The following SPIDR variants were observed in gnomAD, a reference collection of about 807,000 sequenced individuals.
The protein encoded by SPIDR is scaffold protein involved in DNA repair, also known as DNA repair-scaffolding protein.
A neutral mutation model predicts 104.6 loss-of-function variants in SPIDR; 93 were observed. The ratio of observed to expected loss-of-function variants is 0.89; its 90% CI spans 0.75 to 1.06. SPIDR has a LOEUF of 1.06. Ranked by LOEUF, SPIDR falls within the 50% of genes least tolerant of loss-of-function variation. SPIDR has a pLI of 0.00. For synonymous variants in SPIDR, 431 were observed against 416.9 expected (o/e 1.03, Z -0.41); for missense variants, 1,154 against 1,111.2 (o/e 1.04, Z -0.55).
intron 7 of SPIDR, among the ~76,000 whole-genome samples, chr8:47,429,579 G>C (rs1266289868): frequency 6.6e-6 from 1 of 152,158 alleles, no homozygotes. Flanking sequence ...GGGCATCCCT[G>C]AGCCATGCCC....
chr8:47,346,862 T>C (rs926375894), intron 5 of SPIDR, among the ~76,000 whole-genome samples: 4 of 152,112 alleles, frequency 2.6e-5, no homozygotes, highest in African/African-American at 9.7e-5. Context: ...TTCTTCTTAG[T>C]CTCTCTAGTG....
intron 5 of SPIDR, among the ~76,000 whole-genome samples, chr8:47,323,077 G>C (rs1445488311): frequency 6.7e-6 from 1 of 149,890 alleles, no homozygotes; most frequent in Non-Finnish European, 1.5e-5. Flanking sequence ...ACCCGAAAAC[G>C]TAAAGTATAA....
intron 5 of SPIDR, among the ~76,000 whole-genome samples, 182 bp from the exon 6 acceptor site, chr8:47,396,194 C>A (rs1287613977): frequency 2.6e-5 from 4 of 152,138 alleles, no homozygotes; most frequent in Non-Finnish European, 5.9e-5. Context: ...CCCTTCTTAT[C>A]TTTGTCTTGG....
At chr8:47,515,786 G>C (rs1481690247) in intron 8 of SPIDR, among the ~76,000 whole-genome samples, 4 of 152,188 alleles carry the variant, frequency 2.6e-5, no homozygotes, top group Non-Finnish European at 5.9e-5. Context: ...AAGCTTTTGT[G>C]TGTATACACA....
Position 47,466,533 on chromosome 8 carries a change from G to A in SPIDR, c.1097+25991G>A, listed in dbSNP as rs570985600. On this transcript the variant is annotated intron_variant, in intron 8 of 19. Coordinates refer to ENST00000297423, the MANE Select transcript of SPIDR (RefSeq NM_001080394.4). ...AACATAGCTAAGGCAGTGTTAAGACGGAAATTTGTGGCACTAAACACTCAC... is the reference window on the plus strand; with the variant it reads ...AACATAGCTAAGGCAGTGTTAAGACAGAAATTTGTGGCACTAAACACTCAC... Among the ~76,000 whole-genome samples the A allele has an allele frequency of 3.4e-4, 51 of 152,160 alleles. No individual in the cohort carries two copies. In the East Asian group the frequency reaches 5.4e-3, roughly 16 times the overall value.
At chr8:47,654,073 A>G (rs2072216049) in intron 10 of SPIDR, 1 of 1,289,764 alleles carries the variant, frequency 7.8e-7, no homozygotes, top group South Asian at 1.2e-5. Flanking sequence ...CAGCATCTTG[A>G]TCTTCTTAGG....
At position 47,328,204 on chromosome 8, in the gene SPIDR, C is replaced by T. The variant is rs536258750; in HGVS notation, c.525+34174C>T. The stretch of plus-strand genomic sequence containing the variant: ...TTAGGTTTTTGCTCTTCTATTTAGG[C>T]CATTGATGTATTTTGAATTAATTTT... On this transcript the variant is annotated intron_variant, in intron 5 of 19. Coordinates refer to ENST00000297423, the MANE Select transcript of SPIDR (RefSeq NM_001080394.4). Among the ~76,000 whole-genome samples the T allele has an allele frequency of 3.3e-5, 5 of 151,816 alleles. No homozygotes were observed. In the South Asian group the frequency reaches 1.0e-3, roughly 32 times the overall value.
At chr8:47,311,585 A>T (rs912887811) in intron 5 of SPIDR, among the ~76,000 whole-genome samples, 18 of 152,198 alleles carry the variant, frequency 1.2e-4, no homozygotes, top group African/African-American at 3.6e-4. Flanking sequence ...TGGGGAGGCC[A>T]AAGAGGGGTA....
chr8:47,658,190 G>A (rs1018718206), intron 10 of SPIDR, among the ~76,000 whole-genome samples: 1 of 151,630 alleles, frequency 6.6e-6, no homozygotes, highest in African/African-American at 2.4e-5. Flanking sequence ...AGGCCGAGGC[G>A]GGCGGATCAC....
chr8:47,529,353 G>A (rs1181261054), intron 8 of SPIDR, among the ~76,000 whole-genome samples: 1 of 152,084 alleles, frequency 6.6e-6, no homozygotes, highest in Non-Finnish European at 1.5e-5. Context: ...AGGAGGTGGA[G>A]GTTGCAGTGA....
Position 47,583,979 on chromosome 8 carries a change from T to G in SPIDR, c.1098-11832T>G, listed in dbSNP as rs1275700049. Among the ~76,000 whole-genome samples the G allele has an allele frequency of 2.6e-5, 4 of 152,230 alleles. No homozygotes were observed. In the South Asian group the frequency reaches 6.2e-4, roughly 24 times the overall value. On this transcript the variant is annotated intron_variant, in intron 8 of 19. Coordinates refer to ENST00000297423, the MANE Select transcript of SPIDR (RefSeq NM_001080394.4). Reference sequence around the variant, plus strand: ...CTGGATTCCCAGTCCCCTGTCACCGTGTCCGCTGTGTCACAAGTGGTCATT... The same window carrying G: ...CTGGATTCCCAGTCCCCTGTCACCGGGTCCGCTGTGTCACAAGTGGTCATT...
At chr8:47,703,854 A>C (rs182159663) in intron 14 of SPIDR, among the ~76,000 whole-genome samples, 86 of 152,254 alleles carry the variant, frequency 5.6e-4, no homozygotes, top group Non-Finnish European at 1.0e-3. Flanking sequence ...GGTTGTACTG[A>C]ATGCACAGTG....
chr8:47,353,781 G>A (rs782177125), intron 5 of SPIDR, among the ~76,000 whole-genome samples: 2 of 150,108 alleles, frequency 1.3e-5, no homozygotes, highest in African/African-American at 2.5e-5. Context: ...GTTCTGTTAA[G>A]TCATTCAGTG....
intron 8 of SPIDR, among the ~76,000 whole-genome samples, chr8:47,458,567 A>G (rs548791251): frequency 5.9e-5 from 9 of 151,800 alleles, no homozygotes; most frequent in East Asian, 1.9e-4. Flanking sequence ...TAGGTATGCA[A>G]TCATATCATC....
intron 1 of SPIDR, among the ~76,000 whole-genome samples, chr8:47,266,045 C>T (rs1010403031): frequency 2.6e-5 from 4 of 151,770 alleles, no homozygotes; most frequent in Non-Finnish European, 5.9e-5. Context: ...CCACCATGCC[C>T]GGTCTGAAGT....
chr8:47,343,539 T>G (rs567019775), intron 5 of SPIDR, among the ~76,000 whole-genome samples: 1 of 152,276 alleles, frequency 6.6e-6, no homozygotes, highest in Admixed American at 6.5e-5. Context: ...CCTGAGGATT[T>G]CTTGTGCGCC....
At chr8:47,727,118 T>A (rs2084366476) in intron 16 of SPIDR, 82 bp from the exon 17 acceptor site, 6 of 1,190,718 alleles carry the variant, frequency 5.0e-6, no homozygotes, top group Non-Finnish European at 7.4e-6. Context: ...GCCCCTCATG[T>A]TGTCCTCTGC....
intron 6 of SPIDR, among the ~76,000 whole-genome samples, chr8:47,397,126 G>A (rs1307424444): frequency 6.6e-6 from 1 of 152,064 alleles, no homozygotes; most frequent in East Asian, 1.9e-4. Flanking sequence ...GAGCCTGTAG[G>A]GACCTTCCCC....
At chr8:47,293,007 A>G (rs1274731152) in intron 4 of SPIDR, among the ~76,000 whole-genome samples, 1 of 151,748 alleles carries the variant, frequency 6.6e-6, no homozygotes, top group East Asian at 1.9e-4. Flanking sequence ...AACCTGGAAA[A>G]TCTCTAATGT....
Sources: gnomAD v4.1 joint callset for allele counts (sites outside exome capture counted in the v4.1 genomes callset) on GRCh38, gnomAD v4.1.1 for gene constraint, MANE v1.5 for transcripts, NCBI Gene and HGNC (gene_info 2026-07-23, HGNC 2026-07-21) for gene names.